Variants in RALYL observed in about 807,000 individuals in gnomAD.
RALYL encodes the protein RALY RNA binding protein like.
A neutral mutation model predicts 35.1 loss-of-function variants in RALYL; 29 were observed. The ratio of observed to expected loss-of-function variants is 0.83; its 90% CI spans 0.61 to 1.13. RALYL has a LOEUF of 1.13. Ranked by LOEUF, RALYL falls within the 50% of genes most tolerant of loss-of-function variation. RALYL has a pLI of 0.00. For missense variants in RALYL, 359 were observed against 360.4 expected (o/e 1.00, Z 0.03); for synonymous variants, 120 against 127.6 (o/e 0.94, Z 0.40).
intron 1 of RALYL, among the ~76,000 whole-genome samples, chr8:84,524,036 T>C (rs1044659024): frequency 6.6e-6 from 1 of 152,048 alleles, no homozygotes; most frequent in Non-Finnish European, 1.5e-5. Flanking sequence ...TACCCAGTAA[T>C]GGGATGGCTG....
chr8:84,708,868 AAGT>A (rs1472089694), intron 2 of RALYL, among the ~76,000 whole-genome samples: 2 of 152,178 alleles, frequency 1.3e-5, no homozygotes, highest in Non-Finnish European at 2.9e-5. Context: ...GTAGAGGAAA[AAGT>A]AGAGTAGAAG....
chr8:84,742,555 A>G (rs1807627962), intron 2 of RALYL, among the ~76,000 whole-genome samples: 3 of 152,170 alleles, frequency 2.0e-5, no homozygotes, highest in Admixed American at 1.3e-4. Flanking sequence ...AGTTTATTCC[A>G]TTCTCTGCCT....
At chr8:84,538,716 T>C (rs2059790218) in intron 2 of RALYL, among the ~76,000 whole-genome samples, 1 of 152,186 alleles carries the variant, frequency 6.6e-6, no homozygotes, top group African/African-American at 2.4e-5. Context: ...AAGCATGATG[T>C]AATACAGATC....
intron 4 of RALYL, among the ~76,000 whole-genome samples, chr8:84,817,920 A>C (rs1252987788): frequency 6.6e-6 from 1 of 152,246 alleles, no homozygotes; most frequent in Non-Finnish European, 1.5e-5. Flanking sequence ...CGTAAACAGG[A>C]AATAAATATC....
intron 2 of RALYL, among the ~76,000 whole-genome samples, chr8:84,644,328 T>C (rs1238898134): frequency 6.6e-6 from 1 of 152,058 alleles, no homozygotes; most frequent in Non-Finnish European, 1.5e-5. Context: ...TTATTATTCA[T>C]ACACTTAACA....
At chr8:84,866,524 G>A (rs896510691) in intron 6 of RALYL, among the ~76,000 whole-genome samples, 1 of 152,078 alleles carries the variant, frequency 6.6e-6, no homozygotes, top group Non-Finnish European at 1.5e-5. Context: ...GAATCCAATA[G>A]TGCCTCAGCC....
At chr8:84,228,987 A>G (rs1824669940) in intron 1 of RALYL, among the ~76,000 whole-genome samples, 1 of 152,182 alleles carries the variant, frequency 6.6e-6, no homozygotes, top group African/African-American at 2.4e-5. Flanking sequence ...GGGAACAGAG[A>G]GCCAAACTAT....
intron 2 of RALYL, among the ~76,000 whole-genome samples, chr8:84,675,163 G>A (rs371402245): frequency 6.6e-6 from 1 of 151,922 alleles, no homozygotes; most frequent in African/African-American, 2.4e-5. Context: ...TTTTCTGAAG[G>A]CTTAGCAAAT....
At chr8:84,608,764 T>C (rs1817687064) in intron 2 of RALYL, among the ~76,000 whole-genome samples, 1 of 152,146 alleles carries the variant, frequency 6.6e-6, no homozygotes, top group Non-Finnish European at 1.5e-5. Flanking sequence ...AATGTCTGTG[T>C]TGATGACCCT....
chr8:84,682,533 A>C (rs1027051621), intron 2 of RALYL, among the ~76,000 whole-genome samples: 3 of 152,178 alleles, frequency 2.0e-5, no homozygotes, highest in Admixed American at 6.5e-5. Context: ...TTATTGGTCT[A>C]TTCAGAGATT....
At chr8:84,526,890 T>C (rs2058941519) in intron 1 of RALYL, among the ~76,000 whole-genome samples, 1 of 152,204 alleles carries the variant, frequency 6.6e-6, no homozygotes, top group Non-Finnish European at 1.5e-5. Flanking sequence ...TGTAGTTTAA[T>C]GTCTTAAAAA....
chr8:84,846,674 A>G (rs1247515863), intron 4 of RALYL, among the ~76,000 whole-genome samples: 1 of 152,166 alleles, frequency 6.6e-6, no homozygotes, highest in Non-Finnish European at 1.5e-5. Flanking sequence ...GTTTTGTATT[A>G]TGGATCCCAT....
chr8:84,521,175 TG>T (rs1001851523), intron 1 of RALYL, among the ~76,000 whole-genome samples: 9 of 152,186 alleles, frequency 5.9e-5, no homozygotes, highest in African/African-American at 2.2e-4. Flanking sequence ...ATAGGAATTG[TG>T]CCCTTATAAG....
chr8:84,191,598 GGAA>G (rs1813893438), intron 1 of RALYL, among the ~76,000 whole-genome samples: 1 of 152,092 alleles, frequency 6.6e-6, no homozygotes, highest in Non-Finnish European at 1.5e-5. Flanking sequence ...CAGAAAGTAA[GGAA>G]ATGGTCAAAG....
intron 1 of RALYL, among the ~76,000 whole-genome samples, chr8:84,469,121 G>A (rs188926942): frequency 2.2e-4 from 34 of 151,966 alleles, no homozygotes; most frequent in Middle Eastern, 3.4e-3. Context: ...TAATTTGATC[G>A]TCTGAAGCCT....
chr8:84,417,520 A>T (rs1460988590), intron 1 of RALYL, among the ~76,000 whole-genome samples: 3 of 151,428 alleles, frequency 2.0e-5, no homozygotes, highest in Non-Finnish European at 4.4e-5. Context: ...AAAGATATCC[A>T]GCCCTATAGT....
chr8:84,560,556 C>A (rs1011141986), intron 2 of RALYL, among the ~76,000 whole-genome samples: 7 of 152,084 alleles, frequency 4.6e-5, no homozygotes, highest in African/African-American at 1.7e-4. Context: ...AATGCTCCCC[C>A]ACCACCAAAA....
intron 3 of RALYL, among the ~76,000 whole-genome samples, chr8:84,797,675 A>G (rs137892553): frequency 1.8e-4 from 27 of 152,332 alleles, no homozygotes; most frequent in African/African-American, 6.5e-4. Context: ...TTCCCTATTA[A>G]GAGATTAATT....
chr8:84,699,000 A>G (rs1839691299), intron 2 of RALYL, among the ~76,000 whole-genome samples: 1 of 140,738 alleles, frequency 7.1e-6, no homozygotes, highest in Admixed American at 7.6e-5. Context: ...TAAGATAGGT[A>G]GGTACATAGA....
Sources: gnomAD v4.1 joint callset for allele counts (sites outside exome capture counted in the v4.1 genomes callset) on GRCh38, gnomAD v4.1.1 for gene constraint, MANE v1.5 for transcripts, NCBI Gene and HGNC (gene_info 2026-07-23, HGNC 2026-07-21) for gene names.